The following CSNK1D variants were observed in gnomAD, a reference collection of about 807,000 sequenced individuals.
CSNK1D encodes casein kinase I isoform delta.
CSNK1D carries 16 observed loss-of-function variants against 46.6 expected under a neutral mutation model. That is an observed-to-expected ratio of 0.34 (90% CI 0.23 to 0.52). The LOEUF (loss-of-function observed/expected upper bound fraction) is 0.52, where lower values mean the gene tolerates loss of function less well. Among genes scored for constraint, CSNK1D ranks in the 20% least tolerant of loss-of-function variants. CSNK1D has a pLI of 0.95. For synonymous variants in CSNK1D, 276 were observed against 228.2 expected (o/e 1.21, Z -1.89); for missense variants, 398 against 578.4 (o/e 0.69, Z 3.20).
At chr17:82,240,201 G>C (rs1389777397), downstream of CSNK1D, 1 of 562,978 alleles carries the variant, frequency 1.8e-6, no homozygotes, top group African/African-American at 1.9e-5. Flanking sequence ...GCCTCTAGCA[G>C]GGCTCAGGCT....
At chr17:82,253,522 A>G in intron 3 of CSNK1D, 1 of 455,462 alleles carries the variant, frequency 2.2e-6, no homozygotes, top group South Asian at 2.0e-5. Flanking sequence ...ACCCGCCACT[A>G]GACATCGGTC....
At chr17:82,254,904 C>T (rs1158733954) in intron 3 of CSNK1D, among the ~76,000 whole-genome samples, 9,333 of 119,576 alleles carry the variant, frequency 0.078, 1,195 homozygotes, top group East Asian at 0.15. Flanking sequence ...AGCTGAGCCG[C>T]CGGGGCCTCC....
At chr17:82,245,837 G>C (rs1026630556) in intron 8 of CSNK1D, 16 of 877,902 alleles carry the variant, frequency 1.8e-5, no homozygotes, top group Middle Eastern at 3.2e-4. Flanking sequence ...CCCACAAGAA[G>C]AACAGAGCAG....
chr17:82,245,695 C>T, intron 8 of CSNK1D: 1 of 458,028 alleles, frequency 2.2e-6, no homozygotes, highest in Middle Eastern at 6.4e-4. Context: ...AGGAGGAGAG[C>T]AACGGCACAC....
chr17:82,243,795 A>C lies in CSNK1D; in HGVS notation c.*986T>G, dbSNP rs2050783981. On this transcript the variant is annotated 3_prime_UTR_variant, in exon 9 of 9. Coordinates refer to ENST00000314028, the MANE Select transcript of CSNK1D (RefSeq NM_001893.6). ...AGTGCTGAGAAAATGGACTGAGTGC[A>C]AAGGCAGCAAGGCAACAAACACTAC... 1.0e-6 allele frequency: 1 copy of C among 985,500 alleles called. No individual in the cohort carries two copies. The highest frequency in any genetic ancestry group is 1.2e-6 in the Non-Finnish European group (1 of 829,986). 61.0% of individuals were successfully genotyped at this position (985,500 alleles called of 1,614,324 possible).
intron 1 of CSNK1D, among the ~76,000 whole-genome samples, chr17:82,269,096 TAAAAAAAA>T (rs766007194): frequency 9.5e-6 from 1 of 105,380 alleles, no homozygotes; most frequent in Non-Finnish European, 1.9e-5. Context: ...TACTTTGTCT[TAAAAAAAA>T]AAAAAAAAAA....
At chr17:82,270,014 G>A (rs1466291246) in intron 1 of CSNK1D, among the ~76,000 whole-genome samples, 2 of 152,272 alleles carry the variant, frequency 1.3e-5, no homozygotes, top group Non-Finnish European at 2.9e-5. Context: ...CCGGGGCCAG[G>A]TCACACAACA....
chr17:82,248,216 G>A lies in CSNK1D; in HGVS notation c.1197+659C>T. On this transcript the variant is annotated intron_variant, in intron 8 of 8. Transcript: ENST00000314028. The surrounding 1 kb of genome is among the most constrained non-coding windows in gnomAD (Gnocchi z 4.1). ...TGAAGAAATATAATGGATCCATATG[G>A]AGAAAGCTGTTCTAGTTCAAAGAGC... 1 of 985,756 alleles carries A rather than the reference G, an allele frequency of 1.0e-6. No homozygotes were observed. The highest frequency in any genetic ancestry group is 1.7e-5 in the African/African-American group (1 of 57,366). The allele number at this position is 985,756 out of a possible 1,614,324, so 61.1% of individuals were successfully genotyped here.
In CSNK1D at chr17:82,251,055, C is replaced by A. The variant is rs779918000; in HGVS notation, c.885+324G>T. 5.1e-6 allele frequency: 2 copies of A among 393,422 alleles called. No individual in the cohort carries two copies. Among genetic ancestry groups the A allele is most frequent in the Non-Finnish European group, 4.8e-6 (1 of 207,268 alleles). The allele number at this position is 393,422 out of a possible 1,614,324, so 24.4% of individuals were successfully genotyped here. On this transcript the variant is annotated intron_variant, in intron 6 of 8. Transcript: ENST00000314028. The surrounding 1 kb of genome is among the most constrained non-coding windows in gnomAD (Gnocchi z 4.5). ...GTGGCACAGCGAATGGGAATGCGCA[C>A]CCCCAGCCCCCACCCTCTGCCCCCA...
At chr17:82,253,589 C>T (rs574863023) in intron 3 of CSNK1D, 6 of 370,476 alleles carry the variant, frequency 1.6e-5, no homozygotes, top group South Asian at 4.3e-5. Flanking sequence ...AGAAACTGCA[C>T]GGAGGTGCTT....
chr17:82,270,483 T>C (rs113370422), intron 1 of CSNK1D, among the ~76,000 whole-genome samples: 2 of 152,184 alleles, frequency 1.3e-5, no homozygotes, highest in African/African-American at 2.4e-5. Flanking sequence ...ACGATACTCA[T>C]ACTAGAATAT....
chr17:82,264,316 G>A (rs1009433514), intron 2 of CSNK1D, among the ~76,000 whole-genome samples: 3 of 152,216 alleles, frequency 2.0e-5, no homozygotes, highest in Non-Finnish European at 4.4e-5. Flanking sequence ...TTCCCAAAGA[G>A]GGCTCCTGCC....
At position 82,248,989 on chromosome 17, in the gene CSNK1D, G is replaced by T; in HGVS notation, c.1083C>A (p.Ser361=). The change falls in exon 8 of 9, where the codon TCC becomes TCA. Residue 361 remains serine, a synonymous_variant. Transcript: ENST00000314028. This position sits in a 1 kb window ranked among gnomAD's most constrained non-coding sequence, Gnocchi z 4.1. ...TCACTTTCCGCTCTCTCTCCATGCC[G>T]GAGACGGGCCGGGGGGAGGTGTTAG... ...HTANTSPRPV[S]GMERERKVSM... The T allele has an allele frequency of 6.4e-7, 1 of 1,570,988 alleles. No individual in the cohort carries two copies. The highest frequency in any genetic ancestry group is 8.6e-7 in the Non-Finnish European group (1 of 1,156,988).
chr17:82,252,638 A>G lies in CSNK1D; in HGVS notation c.566-34T>C. 1 of 1,605,566 alleles carries G rather than the reference A, an allele frequency of 6.2e-7. No homozygotes were observed. Among genetic ancestry groups the G allele is most frequent in the Non-Finnish European group, 8.5e-7 (1 of 1,177,034 alleles). On this transcript the variant is annotated intron_variant, in intron 4 of 8. Transcript: ENST00000314028. This position sits in a 1 kb window ranked among gnomAD's most constrained non-coding sequence, Gnocchi z 4.6. ...AAAAGGGAAAGGCGTGAAGAACGGC[A>G]CTTGCGTGCTCACGTCAAAGCAAAA...
rs1357308533 is a variant in CSNK1D at position 82,249,453 on chromosome 17, G to T, written c.1035C>A (p.Pro345=). 3 of 1,539,484 alleles carry T rather than the reference G, an allele frequency of 1.9e-6. No homozygotes were observed. The highest frequency in any genetic ancestry group is 2.6e-6 in the Non-Finnish European group (3 of 1,146,450). Reference sequence around the variant, plus strand: ...CACCCGTGTGTGAGGTAGGGGTGAGGGGTGTGGGGGGAGCCACTTCCTGCG... The same window carrying T: ...CACCCGTGTGTGAGGTAGGGGTGAGTGGTGTGGGGGGAGCCACTTCCTGCG... ...RGTQEVAPPT[P]LTPTSHTANT... The change falls in exon 7 of 9, where the codon CCC becomes CCA. Residue 345 remains proline (P), a synonymous_variant. Coordinates refer to ENST00000314028, the MANE Select transcript of CSNK1D (RefSeq NM_001893.6). The surrounding 1 kb of genome is among the most constrained non-coding windows in gnomAD (Gnocchi z 6.7).
chr17:82,245,831 CAAG>C (rs1207742352), intron 8 of CSNK1D: 33 of 851,554 alleles, frequency 3.9e-5, no homozygotes, highest in East Asian at 3.7e-4. Context: ...CTGCACCCCA[CAAG>C]AAGAACAGAG....
Position 82,251,142 on chromosome 17 carries a change from A to C in CSNK1D, c.885+237T>G. 1.9e-6 allele frequency: 1 copy of C among 526,826 alleles called. No homozygotes were observed. 32.6% of individuals were successfully genotyped at this position (526,826 alleles called of 1,614,324 possible). A position where few individuals can be genotyped will look rare whatever the true frequency, so the allele number is the denominator to read the frequency against. Reference sequence around the variant, plus strand: ...GGAGGGAAGGGGCCTCCTGCTGTCCACACCCAGGAATTCCATGGACCCCTC... The same window carrying C: ...GGAGGGAAGGGGCCTCCTGCTGTCCCCACCCAGGAATTCCATGGACCCCTC... On this transcript the variant is annotated intron_variant, in intron 6 of 8. Transcript: ENST00000314028. The surrounding 1 kb of genome is among the most constrained non-coding windows in gnomAD (Gnocchi z 4.5).
Position 82,265,737 on chromosome 17 carries a change from G to T in CSNK1D, c.136C>A (p.His46Asn). The change falls in exon 2 of 9, where the codon CAC (histidine) becomes AAC (asparagine). Residue 46 changes from histidine to asparagine, a missense_variant. His to Asn is a moderately conservative substitution (Grantham distance 68). Transcript: ENST00000314028. ...AIKLECVKTK[H>N]PQLHIESKIY... ...TTGCTCTCAATGTGGAGCTGAGGGT[G>T]TTTGGTTTTGACACATTCAAGCTTG... The T allele has an allele frequency of 6.2e-7, 1 of 1,614,176 alleles. No individual in the cohort carries two copies. The highest frequency in any genetic ancestry group is 8.5e-7 in the Non-Finnish European group (1 of 1,180,022).
In CSNK1D at chr17:82,244,904, G is replaced by A. The variant is rs926567758; in HGVS notation, c.1198-73C>T. On this transcript the variant is annotated intron_variant, in intron 8 of 8. Coordinates refer to ENST00000314028, the MANE Select transcript of CSNK1D (RefSeq NM_001893.6). ...CCGGCCAGGCAGATACCACAGTGAC[G>A]GTGCTGGGCAGGGAGGGGACGCACC... 32 of 1,602,020 alleles carry A rather than the reference G, an allele frequency of 2.0e-5. No individual in the cohort carries two copies. In the African/African-American group the frequency reaches 2.4e-4, roughly 12 times the overall value.
Sources: gnomAD v4.1 joint callset for allele counts (sites outside exome capture counted in the v4.1 genomes callset) on GRCh38, gnomAD v4.1.1 for gene constraint, Gnocchi (gnomAD v3.1) non-coding constraint, MANE v1.5 for transcripts, NCBI Gene and HGNC (gene_info 2026-07-23, HGNC 2026-07-21) for gene names.